SOX5: variants seen among roughly 807,000 people sequenced by gnomAD.
The protein encoded by SOX5 is SRY-box transcription factor 5.
A neutral mutation model predicts 92.0 loss-of-function variants in SOX5; 9 were observed. The observed-to-expected ratio is 0.10, with a 90% CI of 0.06 to 0.17. The LOEUF (loss-of-function observed/expected upper bound fraction) is 0.17, where lower values mean the gene tolerates loss of function less well. SOX5 is among the 10% of genes least tolerant of loss of function. The pLI is 1.00. For missense variants in SOX5, 642 were observed against 944.5 expected (o/e 0.68, Z 4.20); for synonymous variants, 344 against 336.3 (o/e 1.02, Z -0.25).
intron 4 of SOX5, among the ~76,000 whole-genome samples, chr12:24,139,621 T>C (rs1300752068): frequency 1.3e-5 from 2 of 152,242 alleles, no homozygotes; most frequent in Non-Finnish European, 2.9e-5. Flanking sequence ...AACGGACCGC[T>C]TCAATCTTGC....
chr12:23,736,609 G>T (rs1267493042), intron 5 of SOX5, among the ~76,000 whole-genome samples: 1 of 151,462 alleles, frequency 6.6e-6, no homozygotes, highest in Non-Finnish European at 1.5e-5. Flanking sequence ...CCCTATGGAT[G>T]ATGGTTTAAT....
rs552416802 is a variant in SOX5 at position 23,722,370 on chromosome 12, AT to A, written c.810+12313del. Among the ~76,000 whole-genome samples, 188 of 152,324 alleles carry A rather than the reference AT, an allele frequency of 1.2e-3. 2 individuals are homozygous for A. Among genetic ancestry groups the A allele is most frequent in the Admixed American group, 0.012 (185 of 15,300 alleles). ...ACAAGAAGGGAAGAGGGGGAGGTGAATTGAGATTCTCCCTCAGGGTAAAAAT... is the reference window on the plus strand; with the variant it reads ...ACAAGAAGGGAAGAGGGGGAGGTGAATGAGATTCTCCCTCAGGGTAAAAAT... On this transcript the variant is annotated intron_variant, in intron 6 of 14. Transcript: ENST00000451604.
At chr12:23,678,671 T>G (rs1021069451) in intron 6 of SOX5, among the ~76,000 whole-genome samples, 4 of 152,114 alleles carry the variant, frequency 2.6e-5, no homozygotes, top group Non-Finnish European at 5.9e-5. Flanking sequence ...CACAATTCTA[T>G]CTTTACTCTT....
chr12:23,707,611 TC>T (rs2091560875), intron 6 of SOX5, among the ~76,000 whole-genome samples: 2 of 152,174 alleles, frequency 1.3e-5, no homozygotes, highest in South Asian at 4.1e-4. Context: ...ATTTATAGGA[TC>T]ATTTCACTTT....
At chr12:23,590,565 TCCTTA>T (rs1566093983) in intron 9 of SOX5, among the ~76,000 whole-genome samples, 2 of 152,068 alleles carry the variant, frequency 1.3e-5, no homozygotes. Flanking sequence ...CAAAGTTTCT[TCCTTA>T]CCTCCATATT....
At chr12:24,210,634 AAT>A (rs2139664732) in intron 4 of SOX5, among the ~76,000 whole-genome samples, 1 of 152,324 alleles carries the variant, frequency 6.6e-6, no homozygotes, top group East Asian at 1.9e-4. Context: ...ACAATTTTTA[AAT>A]ATTATATATC....
chr12:23,585,711 C>A (rs1397640803), intron 9 of SOX5, among the ~76,000 whole-genome samples: 4 of 151,944 alleles, frequency 2.6e-5, no homozygotes, highest in Non-Finnish European at 5.9e-5. Flanking sequence ...AAAGCAGCCC[C>A]TAAAACATTT....
At chr12:23,700,380 C>T (rs1567067369) in intron 6 of SOX5, among the ~76,000 whole-genome samples, 1 of 152,086 alleles carries the variant, frequency 6.6e-6, no homozygotes. Context: ...GTTCTAGACC[C>T]ATCTTAAACT....
intron 5 of SOX5, among the ~76,000 whole-genome samples, chr12:23,739,465 G>A (rs1293094935): frequency 6.6e-6 from 1 of 152,100 alleles, no homozygotes; most frequent in Non-Finnish European, 1.5e-5. Context: ...GTTTCAATTT[G>A]ATATTAGAAC....
intron 4 of SOX5, among the ~76,000 whole-genome samples, chr12:24,074,906 GT>G (rs142927585): frequency 1.6e-4 from 24 of 146,608 alleles, no homozygotes; most frequent in South Asian, 4.3e-4. Context: ...GTTTTATTTT[GT>G]TTTTTTTTTA....
chr12:23,838,921 C>T (rs907844556), intron 3 of SOX5, among the ~76,000 whole-genome samples: 6 of 150,466 alleles, frequency 4.0e-5, no homozygotes, highest in African/African-American at 1.5e-4. Context: ...CTCACTGCAA[C>T]CTCCACCTCC....
intron 3 of SOX5, among the ~76,000 whole-genome samples, chr12:23,832,895 T>A (rs2096352473): frequency 6.6e-6 from 1 of 151,888 alleles, no homozygotes; most frequent in Admixed American, 6.6e-5. Context: ...CAAATATTGC[T>A]AAATATCTGT....
At chr12:24,313,805 C>T (rs192057751) in intron 2 of SOX5, among the ~76,000 whole-genome samples, 47 of 152,274 alleles carry the variant, frequency 3.1e-4, no homozygotes, top group East Asian at 1.7e-3. Context: ...TTAGCCCACG[C>T]TTCTGTTCAA....
chr12:23,956,564 A>AC (rs1946306400), intron 4 of SOX5, among the ~76,000 whole-genome samples: 1 of 151,622 alleles, frequency 6.6e-6, no homozygotes, highest in Admixed American at 6.6e-5. Context: ...AACCTCTCCC[A>AC]CCCCCATGGA....
Position 24,138,318 on chromosome 12 carries a change from C to T in SOX5, c.-2+75025G>A, listed in dbSNP as rs191126824. Among the ~76,000 whole-genome samples the T allele has an allele frequency of 6.6e-5, 10 of 152,312 alleles. No homozygotes were observed. In the South Asian group the frequency reaches 8.3e-4, roughly 13 times the overall value. ...ACTGATTTTTTCTCCTGTTCATCTG[C>T]GAATATTCTCTTACATCGCAGTTTG... On this transcript the variant is annotated intron_variant, in intron 4 of 4. Transcript: ENST00000446891.
intron 4 of SOX5, among the ~76,000 whole-genome samples, chr12:23,987,722 T>A (rs1950186247): frequency 6.6e-6 from 1 of 152,206 alleles, no homozygotes; most frequent in Admixed American, 6.5e-5. Context: ...GAGCCAAGGA[T>A]GTAGAGGTTG....
chr12:23,820,786 CTG>C (rs1255036952), intron 3 of SOX5, among the ~76,000 whole-genome samples: 3 of 152,106 alleles, frequency 2.0e-5, no homozygotes, highest in African/African-American at 7.2e-5. Flanking sequence ...GTCTATATCT[CTG>C]TTTTCATACC....
At chr12:23,792,680 G>A (rs559109775) in intron 3 of SOX5, among the ~76,000 whole-genome samples, 9 of 129,014 alleles carry the variant, frequency 7.0e-5, no homozygotes, top group South Asian at 5.3e-4. Context: ...AAAGCACTGC[G>A]ATATGGAGCA....
intron 2 of SOX5, among the ~76,000 whole-genome samples, chr12:24,281,983 T>C (rs1945263839): frequency 6.6e-6 from 1 of 152,112 alleles, no homozygotes; most frequent in Non-Finnish European, 1.5e-5. Context: ...CATCACCTAC[T>C]CAAATTTCTG....
Sources: allele counts gnomAD v4.1 joint callset (sites outside exome capture counted in the v4.1 genomes callset), GRCh38; gene constraint gnomAD v4.1.1; transcripts MANE v1.5; gene names NCBI Gene and HGNC (gene_info 2026-07-23, HGNC 2026-07-21).